Variants in CHL1 observed in about 807,000 individuals in gnomAD.
CHL1 encodes the protein cell adhesion molecule L1 like.
CHL1 carries 96 observed loss-of-function variants against 141.9 expected under a neutral mutation model. That is an observed-to-expected ratio of 0.68 (90% CI 0.57 to 0.80). The LOEUF (loss-of-function observed/expected upper bound fraction) is 0.80. CHL1 is among the 30% of genes least tolerant of loss of function. The pLI is 0.00. For synonymous variants in CHL1, 613 were observed against 502.2 expected (o/e 1.22, Z -2.95); for missense variants, 1,820 against 1,457.2 (o/e 1.25, Z -4.05).
chr3:309,665 T>C (rs1286767475), intron 2 of CHL1, among the ~76,000 whole-genome samples: 2 of 151,914 alleles, frequency 1.3e-5, no homozygotes, highest in African/African-American at 4.8e-5. Context: ...ACGTACCCTA[T>C]GCCTTGCTAA....
chr3:320,848 G>A (rs145087698), intron 3 of CHL1, among the ~76,000 whole-genome samples: 110 of 152,054 alleles, frequency 7.2e-4, no homozygotes, highest in African/African-American at 2.0e-3. Flanking sequence ...ATTTTTATCC[G>A]TATCATTCAG....
At chr3:362,694 G>C (rs1273212977) in intron 13 of CHL1, among the ~76,000 whole-genome samples, 1 of 152,138 alleles carries the variant, frequency 6.6e-6, no homozygotes, top group Non-Finnish European at 1.5e-5. Context: ...GTAGCAGCAA[G>C]GGCTTGGAAA....
In CHL1 at chr3:349,546, ACCTTTCCC is replaced by A; in HGVS notation, c.1033+4_1033+11del. Reference sequence around the variant, plus strand: ...CGATTTTCACGTTATAGTAGAAGGTACCTTTCCCATGTTGGTCTATTTCTCTGCTTTTC... The same window carrying A: ...CGATTTTCACGTTATAGTAGAAGGTAATGTTGGTCTATTTCTCTGCTTTTC... On this transcript the variant is annotated splice_donor_5th_base_variant and intron_variant, in intron 10 of 27. Coordinates refer to ENST00000256509, the MANE Select transcript of CHL1 (RefSeq NM_006614.4). 1 of 1,609,498 alleles carries A rather than the reference ACCTTTCCC, an allele frequency of 6.2e-7. No homozygotes were observed. The highest frequency in any genetic ancestry group is 1.1e-5 in the South Asian group (1 of 90,758).
At chr3:257,485 C>T (rs920630440) in intron 2 of CHL1, among the ~76,000 whole-genome samples, 2 of 151,996 alleles carry the variant, frequency 1.3e-5, no homozygotes, top group Non-Finnish European at 2.9e-5. Flanking sequence ...TCCCAAGTAG[C>T]TGGGATTACA....
At chr3:380,994 G>A (rs1457649989) in intron 16 of CHL1, among the ~76,000 whole-genome samples, 1 of 152,128 alleles carries the variant, frequency 6.6e-6, no homozygotes, top group Non-Finnish European at 1.5e-5. Flanking sequence ...ATTCATTTGA[G>A]ATACATCATG....
intron 24 of CHL1, among the ~76,000 whole-genome samples, chr3:396,591 G>A (rs1000096669): frequency 2.0e-5 from 3 of 152,228 alleles, no homozygotes; most frequent in South Asian, 2.1e-4. Context: ...AGGTGATGTG[G>A]CATCTTTTCT....
intron 2 of CHL1, among the ~76,000 whole-genome samples, chr3:258,025 T>C (rs1694341753): frequency 6.6e-6 from 1 of 152,180 alleles, no homozygotes; most frequent in Non-Finnish European, 1.5e-5. Context: ...TTTGCATAAC[T>C]GTGGGACCAC....
intron 1 of CHL1, among the ~76,000 whole-genome samples, chr3:235,152 C>G (rs958039632): frequency 6.6e-6 from 1 of 151,988 alleles, no homozygotes; most frequent in African/African-American, 2.4e-5. Context: ...ATCCCTCCCC[C>G]CTCTTTCTAA....
intron 2 of CHL1, among the ~76,000 whole-genome samples, chr3:306,269 T>C (rs1699219076): frequency 6.6e-6 from 1 of 152,156 alleles, no homozygotes. Context: ...TATAAATGTG[T>C]CTTAAGTATC....
In CHL1 at chr3:312,829, C is replaced by G. The variant is rs144898253; in HGVS notation, c.-94-6854C>G. 6.8e-3 allele frequency among the ~76,000 whole-genome samples: 1,033 copies of G among 152,286 alleles called. 12 individuals are homozygous for G. The highest frequency in any genetic ancestry group is 0.024 in the African/African-American group (998 of 41,558). ...ACATTTCCGAGTTATAGCACTGTCT[C>G]AGACTATTATACAAATCCATTGAGT... On this transcript the variant is annotated intron_variant, in intron 2 of 27. Coordinates refer to ENST00000256509, the MANE Select transcript of CHL1 (RefSeq NM_006614.4).
chr3:349,960 A>G (rs1245389082), intron 10 of CHL1, among the ~76,000 whole-genome samples: 3 of 146,300 alleles, frequency 2.1e-5, no homozygotes, highest in Non-Finnish European at 3.1e-5. Context: ...GCCCTTTGCC[A>G]TTTATTTCAC....
chr3:209,724 C>CACG (rs1421990426), intron 1 of CHL1, among the ~76,000 whole-genome samples: 1 of 152,178 alleles, frequency 6.6e-6, no homozygotes, highest in Non-Finnish European at 1.5e-5. Flanking sequence ...GCTGCCACCC[C>CACG]ACGACAGGCC....
At chr3:340,660 T>A in intron 5 of CHL1, 134 bp from the exon 6 acceptor site, 1 of 695,532 alleles carries the variant, frequency 1.4e-6, no homozygotes, top group Non-Finnish European at 2.4e-6. Context: ...GAAGGGGAGA[T>A]GTAAGAACCA....
At chr3:279,381 C>G (rs1431153743) in intron 2 of CHL1, among the ~76,000 whole-genome samples, 1 of 152,120 alleles carries the variant, frequency 6.6e-6, no homozygotes, top group Middle Eastern at 3.4e-3. Flanking sequence ...TTTTCTATAG[C>G]TAGTCTTTTT....
intron 2 of CHL1, among the ~76,000 whole-genome samples, chr3:310,937 A>G: frequency 6.6e-6 from 1 of 152,026 alleles, no homozygotes; most frequent in Non-Finnish European, 1.5e-5. Context: ...TACTTTCTCA[A>G]TAGTTTTGCC....
At chr3:338,855 G>C (rs773845073) in intron 5 of CHL1, among the ~76,000 whole-genome samples, 9 of 152,136 alleles carry the variant, frequency 5.9e-5, no homozygotes, top group Non-Finnish European at 1.2e-4. Flanking sequence ...TTAATGCAAG[G>C]ATGATAATGC....
At chr3:379,343 G>T (rs191308516) in intron 16 of CHL1, among the ~76,000 whole-genome samples, 1 of 152,164 alleles carries the variant, frequency 6.6e-6, no homozygotes, top group Non-Finnish European at 1.5e-5. Flanking sequence ...TTGTCGAGTC[G>T]GCTCAGTAGA....
At chr3:218,891 A>C (rs1050082126) in intron 1 of CHL1, among the ~76,000 whole-genome samples, 1 of 152,232 alleles carries the variant, frequency 6.6e-6, no homozygotes, top group South Asian at 2.1e-4. Context: ...TCACACCTGT[A>C]ATCCCAGCAC....
chr3:211,367 T>A (rs951620589), intron 1 of CHL1, among the ~76,000 whole-genome samples: 1 of 152,234 alleles, frequency 6.6e-6, no homozygotes, highest in African/African-American at 2.4e-5. Context: ...TGCAGTGTTA[T>A]GAGAGCACAG....
Sources: allele counts gnomAD v4.1 joint callset (sites outside exome capture counted in the v4.1 genomes callset), GRCh38; gene constraint gnomAD v4.1.1; transcripts MANE v1.5; gene names NCBI Gene and HGNC (gene_info 2026-07-23, HGNC 2026-07-21).